The following HMOX2 variants were observed in gnomAD, a reference collection of about 807,000 sequenced individuals.
HMOX2 encodes the protein heme oxygenase 2.
Under a neutral mutation model 33.7 loss-of-function variants are expected in HMOX2, and 30 were observed. The ratio of observed to expected loss-of-function variants is 0.89; its 90% confidence interval spans 0.67 to 1.21. The LOEUF is 1.21. Ranked by LOEUF, HMOX2 falls within the 50% of genes most tolerant of loss-of-function variation. HMOX2 has a pLI of 0.00. For missense variants in HMOX2, 403 were observed against 399.1 expected, an observed-to-expected ratio of 1.01 and a Z score of -0.08; for synonymous variants, 155 against 155.0, an observed-to-expected ratio of 1.00 and a Z score of 0.00.
At chr16:4,484,514 G>A (rs371336382) in intron 1 of HMOX2, among the ~76,000 whole-genome samples, 229 of 145,550 alleles carry the variant, frequency 1.6e-3, no homozygotes, top group African/African-American at 5.6e-3. Context: ...AGGCTGGAGT[G>A]CAGTGGTACG....
intron 1 of HMOX2, among the ~76,000 whole-genome samples, chr16:4,503,518 C>A (rs897605781): frequency 3.3e-5 from 5 of 152,160 alleles, no homozygotes; most frequent in Admixed American, 6.5e-5. Context: ...TCTGTACATC[C>A]CGATGTTTAT....
chr16:4,509,053 C>T (rs2058764594), intron 4 of HMOX2, among the ~76,000 whole-genome samples: 1 of 152,200 alleles, frequency 6.6e-6, no homozygotes, highest in Non-Finnish European at 1.5e-5. Context: ...TGGAGGGCGT[C>T]CTCTAAAAGG....
chr16:4,509,105 C>T (rs1233117932), intron 4 of HMOX2, among the ~76,000 whole-genome samples: 3 of 152,174 alleles, frequency 2.0e-5, no homozygotes, highest in Non-Finnish European at 2.9e-5. Context: ...GTAATCCCAG[C>T]ACTTTGGGAG....
chr16:4,494,750 G>T (rs2058379933), intron 1 of HMOX2, among the ~76,000 whole-genome samples: 1 of 152,080 alleles, frequency 6.6e-6, no homozygotes, highest in South Asian at 2.1e-4. Context: ...GTGGTGGCGT[G>T]TGCCTGTAGT....
At chr16:4,506,820 A>T in intron 2 of HMOX2, 75 bp from the exon 3 acceptor site, 2 of 1,111,328 alleles carry the variant, frequency 1.8e-6, no homozygotes, top group Non-Finnish European at 2.8e-6. Context: ...TGTGGACTCA[A>T]TCTTCTCTCT....
At chr16:4,506,727 C>T (rs769349686) in intron 2 of HMOX2, among the ~76,000 whole-genome samples, 168 bp from the exon 3 acceptor site, 10 of 152,132 alleles carry the variant, frequency 6.6e-5, no homozygotes, top group Non-Finnish European at 1.5e-4. Context: ...GTCCTGTGTT[C>T]CCTGACAAGT....
chr16:4,507,272 CTG>C (rs1468988005), intron 3 of HMOX2, among the ~76,000 whole-genome samples: 1 of 152,080 alleles, frequency 6.6e-6, no homozygotes, highest in African/African-American at 2.4e-5. Flanking sequence ...TGGTGAAACC[CTG>C]TCTCTACTAA....
chr16:4,476,275 C>T (rs3919551), upstream of HMOX2: 3 of 152,344 alleles, frequency 2.0e-5, no homozygotes, highest in African/African-American at 7.2e-5. Context: ...CTCCAGAGAC[C>T]TGGGGAAAGC....
At chr16:4,490,942 A>C (rs1285674004) in intron 1 of HMOX2, among the ~76,000 whole-genome samples, 1 of 152,134 alleles carries the variant, frequency 6.6e-6, no homozygotes, top group Non-Finnish European at 1.5e-5. Context: ...GCGTGCGTGC[A>C]AGCACATTTG....
At chr16:4,500,838 T>C (rs1165506594) in intron 1 of HMOX2, among the ~76,000 whole-genome samples, 1 of 152,172 alleles carries the variant, frequency 6.6e-6, no homozygotes, top group East Asian at 1.9e-4. Context: ...CCTCTTTTGC[T>C]TGAAGTAACT....
chr16:4,483,484 C>G (rs995353285), intron 1 of HMOX2, among the ~76,000 whole-genome samples: 2 of 152,030 alleles, frequency 1.3e-5, no homozygotes, highest in Non-Finnish European at 2.9e-5. Context: ...TTTAGGAGCT[C>G]TGTGTCAGGA....
intron 1 of HMOX2, among the ~76,000 whole-genome samples, chr16:4,477,865 G>T (rs2057910647): frequency 6.6e-6 from 1 of 152,194 alleles, no homozygotes; most frequent in African/African-American, 2.4e-5. Flanking sequence ...AGATTGCAGT[G>T]AGCTGAGATC....
intron 1 of HMOX2, among the ~76,000 whole-genome samples, chr16:4,486,851 A>G (rs1165913131): frequency 6.6e-6 from 1 of 152,226 alleles, no homozygotes; most frequent in African/African-American, 2.4e-5. Flanking sequence ...CCTGAGGGGA[A>G]TGAGGAGCTG....
Position 4,476,406 on chromosome 16 carries a change from G to C in HMOX2, c.-123G>C, listed in dbSNP as rs1427727142. 3 of 152,314 alleles carry C rather than the reference G, an allele frequency of 2.0e-5. No individual in the cohort carries two copies. Among genetic ancestry groups the C allele is most frequent in the Non-Finnish European group, 2.9e-5 (2 of 68,086 alleles). The allele number at this position is 152,314 out of a possible 1,614,324, so 9.4% of individuals were successfully genotyped here. A position where few individuals can be genotyped will look rare whatever the true frequency, so the allele number is the denominator to read the frequency against. On this transcript the variant is annotated 5_prime_UTR_variant, in exon 1 of 6. Coordinates refer to ENST00000570646, the MANE Select transcript of HMOX2 (RefSeq NM_002134.4). ...CGGCCTCGCGCCAGTCCGCTGGGCT[G>C]CAGGGACTGCGGCGCCTGAGGGAGT...
chr16:4,484,059 C>G (rs191029866), intron 1 of HMOX2, among the ~76,000 whole-genome samples: 7 of 149,626 alleles, frequency 4.7e-5, no homozygotes, highest in Admixed American at 4.0e-4. Context: ...ACTGCAGGCT[C>G]CGCCTCCCAG....
intron 1 of HMOX2, among the ~76,000 whole-genome samples, chr16:4,502,163 G>A (rs1460306634): frequency 2.0e-5 from 3 of 152,120 alleles, no homozygotes; most frequent in Non-Finnish European, 4.4e-5. Context: ...GACCTCAGGT[G>A]ATCTGCCCAC....
intron 1 of HMOX2, among the ~76,000 whole-genome samples, chr16:4,482,624 C>G (rs981910918): frequency 4.6e-5 from 7 of 152,154 alleles, no homozygotes; most frequent in African/African-American, 1.7e-4. Context: ...AGCTATAAAT[C>G]GAAAGTTCTG....
At chr16:4,483,517 A>G (rs1397456481) in intron 1 of HMOX2, 3 of 152,206 alleles carry the variant, frequency 2.0e-5, no homozygotes, top group African/African-American at 7.2e-5. Context: ...GACCAATATC[A>G]GAATGAAGGA....
intron 1 of HMOX2, 197 bp downstream of exon 1, chr16:4,476,684 A>G (rs2057852812): frequency 6.6e-6 from 1 of 152,350 alleles, no homozygotes; most frequent in African/African-American, 2.4e-5. Context: ...GGGCAGAAGG[A>G]CGAAGAAGGG....
Sources: allele counts gnomAD v4.1 joint callset (sites outside exome capture counted in the v4.1 genomes callset), GRCh38; gene constraint gnomAD v4.1.1; transcripts MANE v1.5; gene names NCBI Gene and HGNC (gene_info 2026-07-23, HGNC 2026-07-21).